Variants in ZBTB7C observed in about 807,000 individuals in gnomAD.
The protein encoded by ZBTB7C is zinc finger and BTB domain containing 7C.
Under a neutral mutation model 25.7 loss-of-function variants are expected in ZBTB7C, and 8 were observed. That is an observed-to-expected ratio of 0.31 (90% CI 0.18 to 0.56). ZBTB7C has a LOEUF of 0.56. Ranked by LOEUF, ZBTB7C falls within the 20% of genes least tolerant of loss-of-function variation. The pLI is 0.91. For missense variants in ZBTB7C, 824 were observed against 855.2 expected, an observed-to-expected ratio of 0.96 and a Z score of 0.46; for synonymous variants, 394 against 369.0, an observed-to-expected ratio of 1.07 and a Z score of -0.78.
At chr18:48,160,155 G>A (rs559303284) in intron 3 of ZBTB7C, among the ~76,000 whole-genome samples, 57 of 152,308 alleles carry the variant, frequency 3.7e-4, no homozygotes, top group South Asian at 1.2e-3. Flanking sequence ...GCCAGGCTCC[G>A]ATGGGGGTCA....
Position 48,306,145 on chromosome 18 carries a change from A to G in ZBTB7C, c.-79+32029T>C, listed in dbSNP as rs182907779. 8.5e-5 allele frequency among the ~76,000 whole-genome samples: 13 copies of G among 152,252 alleles called. No homozygotes were observed. In the East Asian group the frequency reaches 2.5e-3, roughly 29 times the overall value. On this transcript the variant is annotated intron_variant, in intron 2 of 4. Transcript: ENST00000590800. ...ATCTCAAAATCACATTTTAGCAAGAAATTTGACAGTCAGCACCCTCTGCTA... is the reference window on the plus strand; with the variant it reads ...ATCTCAAAATCACATTTTAGCAAGAGATTTGACAGTCAGCACCCTCTGCTA...
chr18:48,276,897 A>C (rs2044674910), intron 2 of ZBTB7C, among the ~76,000 whole-genome samples: 1 of 123,174 alleles, frequency 8.1e-6, no homozygotes, highest in Non-Finnish European at 1.7e-5. Flanking sequence ...CAATGGTTGA[A>C]CTAGTTTACA....
chr18:48,191,704 C>A (rs2042201585), intron 2 of ZBTB7C, among the ~76,000 whole-genome samples: 1 of 152,224 alleles, frequency 6.6e-6, no homozygotes, highest in Non-Finnish European at 1.5e-5. Flanking sequence ...GCTTTCACAG[C>A]AGGTGGGCCA....
At position 48,337,727 on chromosome 18, in the gene ZBTB7C, G is replaced by C. The variant is rs570214994; in HGVS notation, c.-79+447C>G. On this transcript the variant is annotated intron_variant, in intron 2 of 4. Coordinates refer to ENST00000590800, the MANE Select transcript of ZBTB7C (RefSeq NM_001318841.2). The stretch of plus-strand genomic sequence containing the variant: ...TGACATATCTGAACCAGACCTAAAG[G>C]CTTCCCAACCACTGAGGTCTCCAGG... Among the ~76,000 whole-genome samples, 37 of 152,302 alleles carry C rather than the reference G, an allele frequency of 2.4e-4. 1 individual carries two copies. The South Asian group carries it at 7.1e-3, about 29-fold the overall frequency.
intron 3 of ZBTB7C, among the ~76,000 whole-genome samples, chr18:48,141,562 G>A (rs1196320506): frequency 6.8e-6 from 1 of 146,002 alleles, no homozygotes; most frequent in African/African-American, 2.8e-5. Context: ...TCGTGAACTG[G>A]GCGGGGGGGA....
chr18:48,151,342 A>G (rs1451749144), intron 3 of ZBTB7C, among the ~76,000 whole-genome samples: 3 of 152,172 alleles, frequency 2.0e-5, no homozygotes, highest in Non-Finnish European at 1.5e-5. Flanking sequence ...ATCCTTAGAC[A>G]TACTGCCCTC....
intron 2 of ZBTB7C, among the ~76,000 whole-genome samples, chr18:48,200,151 G>A (rs1042766419): frequency 1.3e-5 from 2 of 152,042 alleles, no homozygotes; most frequent in African/African-American, 4.8e-5. Context: ...AGAACTTCAC[G>A]ACACTGGGAT....
intron 2 of ZBTB7C, among the ~76,000 whole-genome samples, chr18:48,300,784 C>A (rs1459389282): frequency 1.3e-5 from 2 of 152,340 alleles, no homozygotes; most frequent in East Asian, 1.9e-4. Flanking sequence ...AGCAGACAGG[C>A]AGGGCTGGCC....
At chr18:48,311,104 C>T (rs548990265) in intron 2 of ZBTB7C, among the ~76,000 whole-genome samples, 1 of 152,296 alleles carries the variant, frequency 6.6e-6, no homozygotes, top group African/African-American at 2.4e-5. Context: ...GATTCCCCAC[C>T]CCTCCAACAA....
chr18:48,337,251 C>A (rs113628004), intron 2 of ZBTB7C, among the ~76,000 whole-genome samples: 1 of 152,212 alleles, frequency 6.6e-6, no homozygotes, highest in East Asian at 1.9e-4. Flanking sequence ...GGCCCTTCTC[C>A]CCTTGCCTTG....
intron 3 of ZBTB7C, among the ~76,000 whole-genome samples, chr18:48,116,871 T>C (rs2144696443): frequency 6.6e-6 from 1 of 152,304 alleles, no homozygotes; most frequent in Non-Finnish European, 1.5e-5. Flanking sequence ...AGTTCTCCTG[T>C]CACGCTATGA....
At chr18:48,073,898 C>A (rs902438660) in intron 3 of ZBTB7C, among the ~76,000 whole-genome samples, 1 of 152,226 alleles carries the variant, frequency 6.6e-6, no homozygotes, top group Non-Finnish European at 1.5e-5. Context: ...CTCCTGTAGA[C>A]CCCCAAAGAA....
chr18:48,040,035 A>G lies in ZBTB7C; in HGVS notation c.1073T>C (p.Leu358Pro), dbSNP rs370122291. The G allele has an allele frequency of 3.0e-5, 49 of 1,613,996 alleles. No homozygotes were observed. Among genetic ancestry groups the G allele is most frequent in the Non-Finnish European group, 3.6e-5 (43 of 1,180,028 alleles). Residue 358 changes from leucine to proline, a missense_variant, in exon 4 of 5, where the codon CTG (leucine) becomes CCG (proline). By Grantham distance (98) the Leu-to-Pro change is moderately conservative. Coordinates refer to ENST00000590800, the MANE Select transcript of ZBTB7C (RefSeq NM_001318841.2). ...PPWPLVEERK[L>P]KPKASQQCPI... ...GCACTGCTGAGAGGCCTTGGGCTTCAGCTTGCGCTCTTCTACCAGGGGCCA... is the reference window on the plus strand; with the variant it reads ...GCACTGCTGAGAGGCCTTGGGCTTCGGCTTGCGCTCTTCTACCAGGGGCCA...
intron 4 of ZBTB7C, 87 bp from the exon 5 acceptor site, chr18:48,029,998 C>T (rs549535196): frequency 2.6e-6 from 4 of 1,565,768 alleles, no homozygotes; most frequent in African/African-American, 1.4e-5. Flanking sequence ...CAGAACCAGC[C>T]GAGGCTCCCT....
chr18:48,093,774 G>A (rs1036912937), intron 3 of ZBTB7C, among the ~76,000 whole-genome samples: 11 of 152,184 alleles, frequency 7.2e-5, no homozygotes, highest in South Asian at 2.1e-4. Context: ...AATAGGCTTC[G>A]GCCAGGCGCG....
At chr18:48,331,222 T>G (rs1185408150) in intron 2 of ZBTB7C, among the ~76,000 whole-genome samples, 1 of 152,206 alleles carries the variant, frequency 6.6e-6, no homozygotes, top group Non-Finnish European at 1.5e-5. Context: ...AGAGCCATGC[T>G]GCATGAGCCA....
At chr18:48,326,597 CAA>C (rs11367556) in intron 2 of ZBTB7C, among the ~76,000 whole-genome samples, 1 of 148,846 alleles carries the variant, frequency 6.7e-6, no homozygotes, top group Non-Finnish European at 1.5e-5. Context: ...ACAGAGCAAT[CAA>C]AAAAAAAAGA....
At chr18:48,290,070 T>C (rs961921982) in intron 2 of ZBTB7C, among the ~76,000 whole-genome samples, 6 of 152,206 alleles carry the variant, frequency 3.9e-5, no homozygotes, top group Admixed American at 6.5e-5. Flanking sequence ...GCACCTTCTT[T>C]ATAGGGTTCT....
chr18:48,206,931 GT>G (rs2042589047), intron 2 of ZBTB7C, among the ~76,000 whole-genome samples: 1 of 152,150 alleles, frequency 6.6e-6, no homozygotes, highest in African/African-American at 2.4e-5. Flanking sequence ...AACGCAAGCT[GT>G]AGAATGAGAG....
Sources: allele counts gnomAD v4.1 joint callset (sites outside exome capture counted in the v4.1 genomes callset), GRCh38; gene constraint gnomAD v4.1.1; transcripts MANE v1.5; gene names NCBI Gene and HGNC (gene_info 2026-07-23, HGNC 2026-07-21).